LPP: variants seen among roughly 807,000 people sequenced by gnomAD.
The protein encoded by LPP is lipoma-preferred partner.
Under a neutral mutation model 60.4 loss-of-function variants are expected in LPP, and 38 were observed. The ratio of observed to expected loss-of-function variants is 0.63; its 90% confidence interval spans 0.49 to 0.83. The LOEUF (loss-of-function observed/expected upper bound fraction) is 0.83, where lower values mean the gene tolerates loss of function less well. LPP is among the 40% of genes least tolerant of loss of function. The probability of loss-of-function intolerance (pLI) is 0.00; values close to 1 mark genes in which losing one functional copy is unlikely to be tolerated. For missense variants in LPP, 902 were observed against 783.6 expected (o/e 1.15, Z -1.80); for synonymous variants, 328 against 290.8 (o/e 1.13, Z -1.30).
intron 2 of LPP, among the ~76,000 whole-genome samples, chr3:188,240,760 G>A (rs1724258476): frequency 6.6e-6 from 1 of 152,142 alleles, no homozygotes; most frequent in African/African-American, 2.4e-5. Flanking sequence ...AGCATGGCAA[G>A]GGAGGGGCGA....
At chr3:188,497,566 C>A (rs1284409323) in intron 5 of LPP, among the ~76,000 whole-genome samples, 1 of 152,112 alleles carries the variant, frequency 6.6e-6, no homozygotes, top group East Asian at 1.9e-4. Flanking sequence ...TTTAGTGATT[C>A]AAGCCATCAC....
intron 9 of LPP, among the ~76,000 whole-genome samples, chr3:188,785,878 G>T (rs766472024): frequency 2.0e-5 from 3 of 151,834 alleles, no homozygotes; most frequent in Non-Finnish European, 4.4e-5. Flanking sequence ...AAGTTGTCCA[G>T]TCTCTCTGGG....
At chr3:188,482,088 G>A (rs1194717220) in intron 4 of LPP, among the ~76,000 whole-genome samples, 3 of 152,086 alleles carry the variant, frequency 2.0e-5, no homozygotes, top group African/African-American at 7.2e-5. Context: ...AACTTATATG[G>A]CAGTTCCCCC....
At chr3:188,772,714 C>T (rs900692485) in intron 9 of LPP, among the ~76,000 whole-genome samples, 1 of 151,696 alleles carries the variant, frequency 6.6e-6, no homozygotes, top group Non-Finnish European at 1.5e-5. Context: ...AGGATGATCT[C>T]GATCTCCTGA....
chr3:188,621,864 T>C (rs1029054293), intron 7 of LPP, among the ~76,000 whole-genome samples: 1 of 152,152 alleles, frequency 6.6e-6, no homozygotes, highest in African/African-American at 2.4e-5. Flanking sequence ...TTCGCATTGT[T>C]AGCCAGGCTG....
intron 3 of LPP, among the ~76,000 whole-genome samples, chr3:188,360,756 A>C (rs1271909146): frequency 6.6e-6 from 1 of 152,214 alleles, no homozygotes; most frequent in African/African-American, 2.4e-5. Context: ...ACAGTTTTGC[A>C]TAAATGAACA....
At chr3:188,731,842 G>A (rs1416719275) in intron 8 of LPP, among the ~76,000 whole-genome samples, 2 of 152,018 alleles carry the variant, frequency 1.3e-5, no homozygotes, top group Non-Finnish European at 2.9e-5. Flanking sequence ...TTTATTTAAT[G>A]CATCTAGGCT....
chr3:188,291,233 T>C (rs1016604248), intron 2 of LPP, among the ~76,000 whole-genome samples: 1 of 152,200 alleles, frequency 6.6e-6, no homozygotes, highest in African/African-American at 2.4e-5. Flanking sequence ...TGCGTGTGTG[T>C]TTGTGAAACT....
chr3:188,562,377 T>C (rs1253535386), intron 6 of LPP: 2 of 152,064 alleles, frequency 1.3e-5, no homozygotes, highest in African/African-American at 4.8e-5. Flanking sequence ...AGTTTCACCA[T>C]AGTTGATGCT....
At chr3:188,170,583 G>A (rs1721314714) in intron 1 of LPP, among the ~76,000 whole-genome samples, 1 of 151,572 alleles carries the variant, frequency 6.6e-6, no homozygotes, top group Admixed American at 6.6e-5. Flanking sequence ...TGCCCGCCTC[G>A]ATCTCACAAA....
intron 2 of LPP, among the ~76,000 whole-genome samples, chr3:188,240,342 A>AGTGTGTGTGT (rs75173733): frequency 2.9e-4 from 42 of 143,744 alleles, no homozygotes; most frequent in South Asian, 1.6e-3. Context: ...TTTGGGTAAG[A>AGTGTGTGTGT]GTGTGTGTGT....
At chr3:188,565,175 G>T (rs1406566981) in intron 6 of LPP, among the ~76,000 whole-genome samples, 2 of 151,934 alleles carry the variant, frequency 1.3e-5, no homozygotes, top group East Asian at 3.9e-4. Context: ...CCAGAGTGCA[G>T]AATTACCTGT....
Position 188,727,825 on chromosome 3 carries a change from C to T in LPP, c.1240+19432C>T, listed in dbSNP as rs369175465. ...GTTCAGTACCTTGTCCAAGGTTATA[C>T]GGATATCAAGAGCCTAGATCTTCAT... On this transcript the variant is annotated intron_variant, in intron 8 of 11. Coordinates refer to ENST00000617246, the MANE Select transcript of LPP (RefSeq NM_001375462.1). 5.9e-5 allele frequency among the ~76,000 whole-genome samples: 9 copies of T among 152,116 alleles called. No individual in the cohort carries two copies. The East Asian group carries it at 7.7e-4, about 13-fold the overall frequency.
chr3:188,551,898 G>A (rs143526926), intron 6 of LPP, among the ~76,000 whole-genome samples: 1 of 152,278 alleles, frequency 6.6e-6, no homozygotes, highest in East Asian at 1.9e-4. Flanking sequence ...TGAAAAGGGA[G>A]AGACCAATGG....
chr3:188,332,214 A>G (rs1760287541), intron 2 of LPP, among the ~76,000 whole-genome samples: 1 of 152,026 alleles, frequency 6.6e-6, no homozygotes, highest in African/African-American at 2.4e-5. Context: ...TTCTATGTGA[A>G]TTTTCGCAGC....
chr3:188,752,481 A>G (rs530788227), intron 8 of LPP, among the ~76,000 whole-genome samples: 10 of 152,334 alleles, frequency 6.6e-5, no homozygotes, highest in African/African-American at 2.2e-4. Flanking sequence ...ACCATGTATT[A>G]TACTCGAAAA....
rs1330243086 is a variant in LPP, at chr3:188,887,075, G to C, written c.*12596G>C. On this transcript the variant is annotated 3_prime_UTR_variant, in exon 12 of 12. Coordinates refer to ENST00000617246, the MANE Select transcript of LPP (RefSeq NM_001375462.1). Reference sequence around the variant, plus strand: ...GTATTGTGTTGCCACTTTGTATGGTGCCTGCTGTGCTTTATCCCGAGGCAT... The same window carrying C: ...GTATTGTGTTGCCACTTTGTATGGTCCCTGCTGTGCTTTATCCCGAGGCAT... 4.3e-6 allele frequency: 1 copy of C among 230,156 alleles called. No homozygotes were observed. Among genetic ancestry groups the C allele is most frequent in the Admixed American group, 5.7e-5 (1 of 17,686 alleles). 14.3% of individuals were successfully genotyped at this position (230,156 alleles called of 1,614,324 possible). A position where few individuals can be genotyped will look rare whatever the true frequency, so the allele number is the denominator to read the frequency against.
At chr3:188,258,203 A>G (rs779713486) in intron 2 of LPP, among the ~76,000 whole-genome samples, 2 of 152,242 alleles carry the variant, frequency 1.3e-5, no homozygotes, top group Non-Finnish European at 2.9e-5. Context: ...CTTGAAGTGA[A>G]TGGTCAGTCA....
intron 6 of LPP, among the ~76,000 whole-genome samples, chr3:188,527,367 A>G (rs552276148): frequency 1.1e-3 from 172 of 150,670 alleles, no homozygotes; most frequent in African/African-American, 4.1e-3. Flanking sequence ...AAAAAAAAAA[A>G]AAAGAGAGAA....
Sources: allele counts gnomAD v4.1 joint callset (sites outside exome capture counted in the v4.1 genomes callset), GRCh38; gene constraint gnomAD v4.1.1; transcripts MANE v1.5; gene names NCBI Gene and HGNC (gene_info 2026-07-23, HGNC 2026-07-21).